LPIN2: variants seen among roughly 807,000 people sequenced by gnomAD.
LPIN2 encodes lipin 2, also known as phosphatidate phosphatase LPIN2.
In LPIN2, 55 loss-of-function variants were observed where a neutral mutation model predicts 111.4. The ratio of observed to expected loss-of-function variants is 0.49; its 90% confidence interval spans 0.40 to 0.62. The LOEUF is 0.62. Ranked by LOEUF, LPIN2 falls within the 20% of genes least tolerant of loss-of-function variation. The pLI is 0.00. For synonymous variants in LPIN2, 425 were observed against 414.0 expected (o/e 1.03, Z -0.32); for missense variants, 992 against 1,112.1 (o/e 0.89, Z 1.54).
At chr18:3,010,011 T>A (rs1160858821) in intron 1 of LPIN2, among the ~76,000 whole-genome samples, 2 of 152,144 alleles carry the variant, frequency 1.3e-5, no homozygotes, top group African/African-American at 2.4e-5. Context: ...CAACCCCAGC[T>A]TCCACCAGCT....
At chr18:2,932,983 A>G (rs1390754684) in intron 8 of LPIN2, among the ~76,000 whole-genome samples, 1 of 151,808 alleles carries the variant, frequency 6.6e-6, no homozygotes, top group East Asian at 1.9e-4. Flanking sequence ...TACCCCAACC[A>G]GTAACAACAA....
rs949759726 is a variant in LPIN2 at position 2,920,187 on chromosome 18, C to T, written c.*106G>A. 14 of 1,492,004 alleles carry T rather than the reference C, an allele frequency of 9.4e-6. No homozygotes were observed. The highest frequency in any genetic ancestry group is 6.9e-5 in the African/African-American group (5 of 72,532). 92.4% of individuals were successfully genotyped at this position (1,492,004 alleles called of 1,614,324 possible). ...TGGCGGGACCAGCTCCAGAAGCACCCGTCCCCGCTGGGGAAGGCTGGTATC... is the reference window on the plus strand; with the variant it reads ...TGGCGGGACCAGCTCCAGAAGCACCTGTCCCCGCTGGGGAAGGCTGGTATC... On this transcript the variant is annotated 3_prime_UTR_variant, in exon 20 of 20. Transcript: ENST00000677752.
chr18:2,946,709 G>C, intron 4 of LPIN2: 1 of 597,508 alleles, frequency 1.7e-6, no homozygotes, highest in Non-Finnish European at 3.1e-6. Flanking sequence ...ATAAATTATA[G>C]GTGCAACATG....
chr18:2,998,522 G>T (rs1447701604), intron 1 of LPIN2, among the ~76,000 whole-genome samples: 6 of 152,148 alleles, frequency 3.9e-5, no homozygotes, highest in Non-Finnish European at 8.8e-5. Context: ...CTAATGTGGG[G>T]AGGGAGAAAA....
At chr18:2,981,519 G>A (rs2078110197) in intron 1 of LPIN2, among the ~76,000 whole-genome samples, 1 of 152,218 alleles carries the variant, frequency 6.6e-6, no homozygotes, top group Non-Finnish European at 1.5e-5. Context: ...GAGTTTATGT[G>A]TGTTAGTGCT....
chr18:2,919,751 A>C lies in LPIN2; in HGVS notation c.*542T>G, dbSNP rs58127367. 4.1e-3 allele frequency: 752 copies of C among 181,572 alleles called. 10 individuals carry two copies. Among genetic ancestry groups the C allele is most frequent in the African/African-American group, 0.017 (712 of 42,300 alleles). The allele number at this position is 181,572 out of a possible 1,614,324, so 11.2% of individuals were successfully genotyped here. Reference sequence around the variant, plus strand: ...CCTGCAGGGGCGGGGGTCCTGCCCAACTTGGCCCACTGGAGCAGCTGACCC... The same window carrying C: ...CCTGCAGGGGCGGGGGTCCTGCCCACCTTGGCCCACTGGAGCAGCTGACCC... On this transcript the variant is annotated 3_prime_UTR_variant, in exon 20 of 20. Transcript: ENST00000677752.
intron 1 of LPIN2, among the ~76,000 whole-genome samples, chr18:2,998,519 G>A (rs1275833204): frequency 6.6e-6 from 1 of 152,080 alleles, no homozygotes; most frequent in Non-Finnish European, 1.5e-5. Context: ...ATTCTAATGT[G>A]GGGAGGGAGA....
chr18:2,951,538 C>CT, intron 3 of LPIN2, among the ~76,000 whole-genome samples, 182 bp from the exon 4 acceptor site: 1 of 152,176 alleles, frequency 6.6e-6, no homozygotes, highest in East Asian at 1.9e-4. Flanking sequence ...GGTCTTTCCC[C>CT]TGTGAGGCAG....
Position 2,923,825 on chromosome 18 carries a change from G to A in LPIN2, c.2124C>T (p.Gly708=), listed in dbSNP as rs1170798474. 2.5e-6 allele frequency: 4 copies of A among 1,614,176 alleles called. No homozygotes were observed. The highest frequency in any genetic ancestry group is 3.3e-4 in the Middle Eastern group (2 of 6,062). ...CTATACCCTGGTGGGTCCAGTCTTT[G>A]CCCAGCTGTGGGAGAATCTGTCCCA... The part of the protein sequence containing the change: ...DALGQILPQL[G]KDWTHQGIAK... Residue 708 remains glycine, a synonymous_variant, in exon 16 of 20, where the codon GGC becomes GGT. Transcript: ENST00000677752.
In LPIN2 at chr18:2,937,763, T is replaced by C. The variant is rs761514979; in HGVS notation, c.1097A>G (p.Asn366Ser). 4 of 1,614,020 alleles carry C rather than the reference T, an allele frequency of 2.5e-6. No homozygotes were observed. The highest frequency in any genetic ancestry group is 2.2e-5 in the East Asian group (1 of 44,864). Residue 366 changes from asparagine (N) to serine (S), a missense_variant, in exon 7 of 20, where the codon AAC (asparagine) becomes AGC (serine). Asn to Ser is a conservative substitution (Grantham distance 46). This residue lies in a region of LPIN2 where 709 missense variants were observed against 753.2 expected (regional missense o/e 0.94). Transcript: ENST00000677752. Reference protein sequence around the residue: ...SSMLDADHLPNAALAEAPSES... With the variant: ...SSMLDADHLPSAALAEAPSES... ...TGAGGGCGCCTCCGCTAAGGCTGCG[T>C]TGGGAAGGTGGTCAGCATCTAACAT...
At chr18:2,928,738 G>T (rs1019092516) in intron 10 of LPIN2, 78 bp from the exon 11 acceptor site, 1 of 1,028,808 alleles carries the variant, frequency 9.7e-7, no homozygotes, top group East Asian at 2.4e-5. Flanking sequence ...CAGGGAGGGA[G>T]GGAGGAGGGA....
intron 1 of LPIN2, among the ~76,000 whole-genome samples, chr18:2,976,544 G>A (rs2078019953): frequency 6.6e-6 from 1 of 152,222 alleles, no homozygotes; most frequent in African/African-American, 2.4e-5. Flanking sequence ...TCGTAAGCCT[G>A]TCATTTGTCT....
intron 1 of LPIN2, among the ~76,000 whole-genome samples, chr18:2,998,605 AGAGG>A (rs1213506159): frequency 1.3e-5 from 2 of 152,136 alleles, no homozygotes; most frequent in Non-Finnish European, 2.9e-5. Flanking sequence ...CTCCCTGAAG[AGAGG>A]GAGGAAGAGC....
intron 8 of LPIN2, among the ~76,000 whole-genome samples, chr18:2,931,732 C>A (rs1385821863): frequency 6.6e-6 from 1 of 152,096 alleles, no homozygotes; most frequent in Non-Finnish European, 1.5e-5. Context: ...TGTGGCCTTT[C>A]TGATTTTTAA....
chr18:2,966,781 T>C (rs2077809890), intron 1 of LPIN2, among the ~76,000 whole-genome samples: 1 of 152,194 alleles, frequency 6.6e-6, no homozygotes, highest in African/African-American at 2.4e-5. Flanking sequence ...CGCTGGACCA[T>C]GGTCCAGTGT....
At chr18:2,940,041 G>A (rs1303899805) in intron 5 of LPIN2, among the ~76,000 whole-genome samples, 2 of 152,200 alleles carry the variant, frequency 1.3e-5, no homozygotes, top group Non-Finnish European at 2.9e-5. Flanking sequence ...AAGAATTGCA[G>A]ATGAGTGGGC....
At chr18:2,933,266 A>C (rs2077238140) in intron 8 of LPIN2, among the ~76,000 whole-genome samples, 2 of 152,236 alleles carry the variant, frequency 1.3e-5, no homozygotes, top group Non-Finnish European at 2.9e-5. Context: ...AGTAGAGTGG[A>C]GTAAGGTATC....
intron 2 of LPIN2, among the ~76,000 whole-genome samples, chr18:2,956,557 G>A (rs566979945): frequency 3.9e-5 from 6 of 152,332 alleles, no homozygotes; most frequent in African/African-American, 1.2e-4. Flanking sequence ...CAGGAAGGAA[G>A]GGTTCAAAAA....
chr18:2,931,143 C>A (rs1375806925), intron 9 of LPIN2, 113 bp downstream of exon 9: 8 of 1,255,700 alleles, frequency 6.4e-6, no homozygotes, highest in Non-Finnish European at 9.0e-6. Flanking sequence ...CTGTTACCTG[C>A]ACAAGATCCC....
Sources: gnomAD v4.1 joint callset for allele counts (sites outside exome capture counted in the v4.1 genomes callset) on GRCh38, gnomAD v4.1.1 for gene constraint, gnomAD v4.1.1 regional missense constraint, MANE v1.5 for transcripts, NCBI Gene and HGNC (gene_info 2026-07-23, HGNC 2026-07-21) for gene names.